Variants in GSPT1 observed in about 807,000 individuals in gnomAD.
GSPT1 encodes the protein eukaryotic peptide chain release factor GTP-binding subunit ERF3A.
GSPT1 carries 20 observed loss-of-function variants against 72.5 expected under a neutral mutation model. The ratio of observed to expected loss-of-function variants is 0.28; its 90% CI spans 0.19 to 0.40. GSPT1 has a LOEUF of 0.40. Among genes scored for constraint, GSPT1 ranks in the 10% least tolerant of loss-of-function variants. The probability of loss-of-function intolerance (pLI) is 1.00; values close to 1 mark genes in which losing one functional copy is unlikely to be tolerated. For missense variants in GSPT1, 580 were observed against 811.9 expected, an observed-to-expected ratio of 0.71 and a Z score of 3.47; for synonymous variants, 334 against 293.5, an observed-to-expected ratio of 1.14 and a Z score of -1.41.
chr16:11,915,315 G>A, intron 1 of GSPT1, 54 bp downstream of exon 1: 2 of 1,413,518 alleles, frequency 1.4e-6, no homozygotes, highest in East Asian at 3.2e-5. Flanking sequence ...GCACCCCTAC[G>A]CCATGTGGGC....
rs2150898557 is a variant in GSPT1, at chr16:11,915,687, C to CGCT, written c.33_34insAGC (p.Gly11_Gly12insSer). ...CCGCTGCTGCTCCCGCCGCCGCCGC[C>CGCT]GCCGCCGCCGCCGCCGCCACTGCCC... On this transcript the variant is annotated inframe_insertion, in exon 1 of 15. Coordinates refer to ENST00000434724, the MANE Select transcript of GSPT1 (RefSeq NM_002094.4). The CGCT allele has an allele frequency of 6.7e-7, 1 of 1,482,590 alleles. No homozygotes were observed. The highest frequency in any genetic ancestry group is 8.9e-7 in the Non-Finnish European group (1 of 1,121,458). The allele number at this position is 1,482,590 out of a possible 1,614,324, so 91.8% of individuals were successfully genotyped here.
At chr16:11,891,707 G>C (rs2141293577) in intron 5 of GSPT1, among the ~76,000 whole-genome samples, 1 of 138,118 alleles carries the variant, frequency 7.2e-6, no homozygotes, top group African/African-American at 2.7e-5. Flanking sequence ...CTGTCGCCTA[G>C]GGTGGAGTGC....
intron 10 of GSPT1, among the ~76,000 whole-genome samples, chr16:11,884,471 GTT>G (rs2054161916): frequency 6.6e-6 from 1 of 152,132 alleles, no homozygotes; most frequent in Non-Finnish European, 1.5e-5. Flanking sequence ...TGTTAATAAA[GTT>G]TTTGGACCGG....
chr16:11,894,524 A>G (rs1192381896), intron 5 of GSPT1, among the ~76,000 whole-genome samples: 1 of 152,208 alleles, frequency 6.6e-6, no homozygotes, highest in Non-Finnish European at 1.5e-5. Context: ...CATGTATGTT[A>G]TATGCAAAGG....
upstream of GSPT1, among the ~76,000 whole-genome samples, chr16:11,916,332 G>GCCC (rs1478326217): frequency 7.9e-5 from 12 of 152,242 alleles, no homozygotes. Context: ...CGAAGACCGA[G>GCCC]AGTATTTTAG....
At chr16:11,905,817 G>A (rs1291727981) in intron 1 of GSPT1, among the ~76,000 whole-genome samples, 2 of 152,130 alleles carry the variant, frequency 1.3e-5, no homozygotes, top group South Asian at 2.1e-4. Context: ...CAGCCTGGGC[G>A]ACAAGAGCGA....
Position 11,900,692 on chromosome 16 carries a change from T to G in GSPT1, c.353-2657A>C, listed in dbSNP as rs556079134. On this transcript the variant is annotated intron_variant, in intron 1 of 14. Coordinates refer to ENST00000434724, the MANE Select transcript of GSPT1 (RefSeq NM_002094.4). ...TGACGGACACACAGTTATGATGTAC[T>G]GCGTATCTTAAGGCAGGAAAATGAC... Among the ~76,000 whole-genome samples, 134 of 152,324 alleles carry G rather than the reference T, an allele frequency of 8.8e-4. 2 individuals are homozygous for G. Among genetic ancestry groups the G allele is most frequent in the African/African-American group, 3.0e-3 (126 of 41,564 alleles).
chr16:11,915,669 TGCTCCCGCC>T lies in GSPT1; in HGVS notation c.43_51del (p.Gly15_Ser17del). The T allele has an allele frequency of 6.8e-7, 1 of 1,474,388 alleles. No individual in the cohort carries two copies. The highest frequency in any genetic ancestry group is 9.0e-7 in the Non-Finnish European group (1 of 1,117,272). 91.3% of individuals were successfully genotyped at this position (1,474,388 alleles called of 1,614,324 possible). On this transcript the variant is annotated inframe_deletion, in exon 1 of 15. Coordinates refer to ENST00000434724, the MANE Select transcript of GSPT1 (RefSeq NM_002094.4). ...GAGTCGCTGCTGCTGCTGCCGCTGC[TGCTCCCGCC>T]GCCGCCGCCGCCGCCGCCGCCGCCG...
chr16:11,887,807 T>C, intron 6 of GSPT1, 57 bp from the exon 7 acceptor site: 1 of 1,149,684 alleles, frequency 8.7e-7, no homozygotes, highest in Non-Finnish European at 1.3e-6. Context: ...GTTTTTAGGA[T>C]ATTCTTCACC....
chr16:11,915,733 CG>C lies in GSPT1; in HGVS notation c.-14del. On this transcript the variant is annotated 5_prime_UTR_variant, in exon 1 of 15. Transcript: ENST00000434724. ...TGCCCGGATCCATGATCGGGGGGGC[CG>C]TGTGTGTGGTGGACAGAGAGCGGGA... 6.6e-7 allele frequency: 1 copy of C among 1,524,392 alleles called. No individual in the cohort carries two copies. The highest frequency in any genetic ancestry group is 8.8e-7 in the Non-Finnish European group (1 of 1,142,610). 94.4% of individuals were successfully genotyped at this position (1,524,392 alleles called of 1,614,324 possible). A position where few individuals can be genotyped will look rare whatever the true frequency, so the allele number is the denominator to read the frequency against.
At chr16:11,878,664 G>C (rs1441194268) in intron 11 of GSPT1, among the ~76,000 whole-genome samples, 1 of 151,798 alleles carries the variant, frequency 6.6e-6, no homozygotes, top group Admixed American at 6.6e-5. Flanking sequence ...TCTGATGCCA[G>C]TATTGCTCCT....
Position 11,894,936 on chromosome 16 carries a change from C to T in GSPT1, c.698+18G>A, listed in dbSNP as rs1475062185. ...ACATCAATTTAACTCTGTTATTTAA[C>T]AAAAGATACAGACTTACATTATTTG... On this transcript the variant is annotated intron_variant, in intron 5 of 14. Coordinates refer to ENST00000434724, the MANE Select transcript of GSPT1 (RefSeq NM_002094.4). 19 of 1,500,316 alleles carry T rather than the reference C, an allele frequency of 1.3e-5. No homozygotes were observed. The highest frequency in any genetic ancestry group is 1.5e-5 in the Non-Finnish European group (16 of 1,087,608). The allele number at this position is 1,500,316 out of a possible 1,614,324, so 92.9% of individuals were successfully genotyped here.
chr16:11,907,281 C>T (rs866525679), intron 1 of GSPT1, among the ~76,000 whole-genome samples: 3 of 152,276 alleles, frequency 2.0e-5, no homozygotes, highest in Middle Eastern at 6.8e-3. Flanking sequence ...AAAGCACTAG[C>T]AGTCACTACT....
intron 1 of GSPT1, 54 bp downstream of exon 1, chr16:11,915,315 G>C: frequency 5.0e-6 from 7 of 1,413,516 alleles, no homozygotes; most frequent in South Asian, 1.4e-5. Flanking sequence ...GCACCCCTAC[G>C]CCATGTGGGC....
At position 11,872,933 on chromosome 16, in the gene GSPT1, A is replaced by C. The variant is rs981322143; in HGVS notation, c.*186T>G. 1 of 483,380 alleles carries C rather than the reference A, an allele frequency of 2.1e-6. No homozygotes were observed. Among genetic ancestry groups the C allele is most frequent in the Non-Finnish European group, 3.8e-6 (1 of 264,446 alleles). The allele number at this position is 483,380 out of a possible 1,614,324, so 29.9% of individuals were successfully genotyped here. A position where few individuals can be genotyped will look rare whatever the true frequency, so the allele number is the denominator to read the frequency against. On this transcript the variant is annotated 3_prime_UTR_variant, in exon 15 of 15. Coordinates refer to ENST00000434724, the MANE Select transcript of GSPT1 (RefSeq NM_002094.4). ...GGGACAGGAATCTTGGGAAAAATTC[A>C]ACAGTGGCATAGCAGAGCTCTCAAT...
At chr16:11,899,592 G>A (rs1439107653) in intron 1 of GSPT1, among the ~76,000 whole-genome samples, 1 of 152,110 alleles carries the variant, frequency 6.6e-6, no homozygotes, top group Admixed American at 6.6e-5. Context: ...AACAAACAGG[G>A]GGGAAACGCA....
intron 5 of GSPT1, among the ~76,000 whole-genome samples, chr16:11,892,829 C>CAAAAAAAAAAAAAAAAAAAAA (rs57546698): frequency 1.6e-4 from 5 of 31,222 alleles, no homozygotes; most frequent in African/African-American, 7.2e-4. Flanking sequence ...GATTCTGTCT[C>CAAAAAAAAAAAAAAAAAAAAA]AAAAAAAAAA....
At chr16:11,912,400 C>A (rs945447688) in intron 1 of GSPT1, among the ~76,000 whole-genome samples, 2 of 151,204 alleles carry the variant, frequency 1.3e-5, no homozygotes, top group Non-Finnish European at 2.9e-5. Flanking sequence ...ATAAGGCATT[C>A]AGCAAATACG....
chr16:11,891,154 A>G lies in GSPT1; in HGVS notation c.699-15T>C. 1 of 1,345,648 alleles carries G rather than the reference A, an allele frequency of 7.4e-7. No homozygotes were observed. The highest frequency in any genetic ancestry group is 1.0e-6 in the Non-Finnish European group (1 of 984,614). The allele number at this position is 1,345,648 out of a possible 1,614,324, so 83.4% of individuals were successfully genotyped here. On this transcript the variant is annotated splice_polypyrimidine_tract_variant and intron_variant, in intron 5 of 14. Transcript: ENST00000434724. ...CAGTCAAATACCTGAAAACATTTAA[A>G]GAAAAAAAAAAGTAAACAATTACTC...
Sources: gnomAD v4.1 joint callset for allele counts (sites outside exome capture counted in the v4.1 genomes callset) on GRCh38, gnomAD v4.1.1 for gene constraint, MANE v1.5 for transcripts, NCBI Gene and HGNC (gene_info 2026-07-23, HGNC 2026-07-21) for gene names.